The following FRY variants were observed in gnomAD, a reference collection of about 807,000 sequenced individuals.
FRY encodes FRY microtubule binding protein, also known as protein furry homolog.
FRY carries 128 observed loss-of-function variants against 348.4 expected under a neutral mutation model. That is an observed-to-expected ratio of 0.37 (90% CI 0.32 to 0.43). FRY has a LOEUF of 0.43. Ranked by LOEUF, FRY falls within the 20% of genes least tolerant of loss-of-function variation. The pLI, the probability that FRY is intolerant of heterozygous loss-of-function variation, is 1.00. For missense variants in FRY, 2,736 were observed against 3,695.2 expected, an observed-to-expected ratio of 0.74 and a Z score of 6.73; for synonymous variants, 1,370 against 1,374.7, an observed-to-expected ratio of 1.00 and a Z score of 0.08.
intron 24 of FRY, among the ~76,000 whole-genome samples, chr13:32,184,071 C>T (rs187965242): frequency 7.2e-5 from 11 of 151,874 alleles, no homozygotes; most frequent in African/African-American, 2.4e-4. Flanking sequence ...CCCAGCTACT[C>T]GAGAGGCTGA....
intron 17 of FRY, among the ~76,000 whole-genome samples, chr13:32,168,215 A>G (rs1657714698): frequency 6.6e-6 from 1 of 152,168 alleles, no homozygotes. Context: ...TCCAGTTTGA[A>G]TCCAAACACA....
Position 32,261,786 on chromosome 13 carries a change from A to AG in FRY, c.7588dup (p.Ala2530GlyfsTer18). On this transcript the variant is annotated frameshift_variant, in exon 52 of 61. Coordinates refer to ENST00000542859, the MANE Select transcript of FRY (RefSeq NM_023037.3). LOFTEE classifies it high-confidence loss of function. ...AATCATCCGAGGAGGAGGACCTCAC[A>AG]GCCAGCCAGATCCTGGAGCACTCAG... The AG allele has an allele frequency of 6.2e-7, 1 of 1,614,222 alleles. No homozygotes were observed. The highest frequency in any genetic ancestry group is 8.5e-7 in the Non-Finnish European group (1 of 1,180,024).
rs762029207 is a variant in FRY at position 32,251,919 on chromosome 13, T to C, written c.7212T>C (p.Cys2404=). Residue 2404 remains cysteine (C), a synonymous_variant, in exon 50 of 61, where the codon TGT becomes TGC. Transcript: ENST00000542859. ...KEKLVHVLSL[C]GQEVGLSKNP... ...AGTTGGTACATGTCCTTTCTCTGTG[T>C]GGCCAAGAAGTAGGATTGAGCAAAA... 2 of 1,613,150 alleles carry C rather than the reference T, an allele frequency of 1.2e-6. No homozygotes were observed. Among genetic ancestry groups the C allele is most frequent in the African/African-American group, 2.7e-5 (2 of 74,916 alleles).
In FRY at chr13:32,149,841, A is replaced by AG. The variant is rs765775094; in HGVS notation, c.1479+7_1479+8insG. On this transcript the variant is annotated splice_region_variant and intron_variant, in intron 14 of 60. Transcript: ENST00000542859. ...ATTCAGTCTCAACCCAGAGGTATGA[A>AG]TGATCCTTTTATGTACTTCTAACAG... The AG allele has an allele frequency of 9.6e-6, 15 of 1,559,240 alleles. No homozygotes were observed. In the South Asian group the frequency reaches 1.7e-4, roughly 17 times the overall value.
At chr13:32,223,730 G>A (rs1885435037) in intron 36 of FRY, among the ~76,000 whole-genome samples, 1 of 152,080 alleles carries the variant, frequency 6.6e-6, no homozygotes, top group South Asian at 2.1e-4. Flanking sequence ...AAGCTGCAGT[G>A]ACTTGTTTTT....
Position 32,134,987 on chromosome 13 carries a change from A to G in FRY, c.969A>G (p.Pro323=), listed in dbSNP as rs554448475. 147 of 1,609,610 alleles carry G rather than the reference A, an allele frequency of 9.1e-5. No individual in the cohort carries two copies. In the South Asian group the frequency reaches 1.3e-3, roughly 14 times the overall value. ...GGCTTTTTGTTGAAATACTTGTTCCAGTTGCTGCTGTGAGTTTCATTTCTA... is the reference window on the plus strand; with the variant it reads ...GGCTTTTTGTTGAAATACTTGTTCCGGTTGCTGCTGTGAGTTTCATTTCTA... ...LAGLFVEILV[P]VAAAVKNEVN... is the part of the protein sequence containing the mutation. Residue 323 remains proline, a synonymous_variant, in exon 9 of 61, where the codon CCA becomes CCG. Coordinates refer to ENST00000542859, the MANE Select transcript of FRY (RefSeq NM_023037.3).
intron 59 of FRY, among the ~76,000 whole-genome samples, chr13:32,291,122 G>A (rs1420206277): frequency 6.6e-6 from 1 of 152,100 alleles, no homozygotes; most frequent in South Asian, 2.1e-4. Flanking sequence ...GCCAGTGACA[G>A]CAGAGAAGTG....
intron 55 of FRY, among the ~76,000 whole-genome samples, chr13:32,268,505 A>AAAAAAAAAAATATATATATAT (rs1555273232): frequency 7.1e-5 from 2 of 28,316 alleles, no homozygotes; most frequent in African/African-American, 9.3e-5. Flanking sequence ...AAAAAAAAAA[A>AAAAAAAAAAATATATATATAT]ATATATATAT....
At chr13:32,271,188 G>C (rs1023960434) in intron 55 of FRY, among the ~76,000 whole-genome samples, 2 of 152,176 alleles carry the variant, frequency 1.3e-5, no homozygotes, top group African/African-American at 4.8e-5. Flanking sequence ...TTTCCAGGTG[G>C]AAAAGGAGTA....
In FRY at chr13:32,295,212, C is replaced by T; in HGVS notation, c.8794C>T (p.Pro2932Ser). ...TCTTTTTGACTGCAGAAGTCTGTGGCCCAATGACATCTTTGGAAGCAGTTC... is the reference window on the plus strand; with the variant it reads ...TCTTTTTGACTGCAGAAGTCTGTGGTCCAATGACATCTTTGGAAGCAGTTC... ...RQIRECRSLW[P>S]NDIFGSSSDD... Residue 2932 changes from proline (P) to serine (S), a missense_variant, in exon 61 of 61, where the codon CCC becomes TCC. By Grantham distance (74) the Pro-to-Ser change is moderately conservative. Transcript: ENST00000542859. The T allele has an allele frequency of 6.2e-7, 1 of 1,613,898 alleles. No homozygotes were observed. Among genetic ancestry groups the T allele is most frequent in the Non-Finnish European group, 8.5e-7 (1 of 1,179,890 alleles).
rs1486483068 is a variant in FRY at position 32,187,477 on chromosome 13, A to G, written c.3481-69A>G. ...TATAATTCTGACAATTATGGTTTAT[A>G]AAGTCAGTTGGATACCATTAGATCA... is the stretch of plus-strand genomic sequence containing the variant. On this transcript the variant is annotated intron_variant, in intron 27 of 60. Transcript: ENST00000542859. 4.5e-6 allele frequency: 4 copies of G among 892,440 alleles called. No homozygotes were observed. In the African/African-American group the frequency reaches 6.5e-5, roughly 15 times the overall value. 55.3% of individuals were successfully genotyped at this position (892,440 alleles called of 1,614,324 possible).
intron 50 of FRY, 54 bp downstream of exon 50, chr13:32,252,006 G>C (rs372622532): frequency 1.6e-6 from 2 of 1,215,474 alleles, no homozygotes; most frequent in African/African-American, 3.0e-5. Flanking sequence ...CTTTTTCATT[G>C]GTCTGTTTTT....
chr13:32,111,476 A>G (rs1877957617), intron 3 of FRY, among the ~76,000 whole-genome samples: 2 of 152,180 alleles, frequency 1.3e-5, no homozygotes, highest in South Asian at 4.1e-4. Context: ...AGTCTGGGCA[A>G]CAGAGTGAGA....
chr13:32,192,342 C>CTGGAGTGCAGT (rs1566122167), intron 28 of FRY, among the ~76,000 whole-genome samples: 2 of 151,682 alleles, frequency 1.3e-5, no homozygotes, highest in East Asian at 1.9e-4. Context: ...TCTGTCCCCC[C>CTGGAGTGCAGT]GGCTGGAGTG....
chr13:32,167,123 A>G (rs768332231), intron 17 of FRY, among the ~76,000 whole-genome samples: 1 of 152,204 alleles, frequency 6.6e-6, no homozygotes, highest in Non-Finnish European at 1.5e-5. Flanking sequence ...AGCTGAAAGT[A>G]TTGGCCCTTA....
At chr13:32,048,077 G>A (rs1355905621) in intron 1 of FRY, among the ~76,000 whole-genome samples, 3 of 152,116 alleles carry the variant, frequency 2.0e-5, no homozygotes, top group Non-Finnish European at 4.4e-5. Flanking sequence ...GTCCCTCTGT[G>A]GCTAAGAATC....
In FRY at chr13:32,255,520, G is replaced by A. The variant is rs80280161; in HGVS notation, c.7416+1126G>A. On this transcript the variant is annotated intron_variant, in intron 51 of 60. Coordinates refer to ENST00000542859, the MANE Select transcript of FRY (RefSeq NM_023037.3). ...CCCAGCAGGAGAGAATCATGTCCTC[G>A]GAATAAAGAAGGTGTTCTTCACCAA... Among the ~76,000 whole-genome samples, 653 of 152,262 alleles carry A rather than the reference G, an allele frequency of 4.3e-3. 3 individuals carry two copies. Among genetic ancestry groups the A allele is most frequent in the African/African-American group, 0.015 (609 of 41,542 alleles).
In FRY at chr13:32,256,105, T is replaced by C. The variant is rs183602517; in HGVS notation, c.7416+1711T>C. On this transcript the variant is annotated intron_variant, in intron 51 of 60. Transcript: ENST00000542859. ...ATCTGGGATGCCCGTTACTTAAAAATAAATATTATACTAATGTTTTTCAGG... is the reference window on the plus strand; with the variant it reads ...ATCTGGGATGCCCGTTACTTAAAAACAAATATTATACTAATGTTTTTCAGG... Among the ~76,000 whole-genome samples the C allele has an allele frequency of 8.0e-4, 122 of 152,312 alleles. 2 individuals are homozygous for C. Among genetic ancestry groups the C allele is most frequent in the Non-Finnish European group, 1.2e-4 (8 of 68,014 alleles).
At chr13:32,276,328 A>G (rs1888535791) in intron 56 of FRY, 136 bp from the exon 57 acceptor site, 3 of 673,760 alleles carry the variant, frequency 4.5e-6, no homozygotes, top group Middle Eastern at 3.4e-4. Flanking sequence ...CAAAATTCCA[A>G]ATTTCACAGC....
Sources: gnomAD v4.1 joint callset for allele counts (sites outside exome capture counted in the v4.1 genomes callset) on GRCh38, gnomAD v4.1.1 for gene constraint, MANE v1.5 for transcripts, NCBI Gene and HGNC (gene_info 2026-07-23, HGNC 2026-07-21) for gene names.